The following FAM78A variants were observed in gnomAD, a reference collection of about 807,000 sequenced individuals.
The protein encoded by FAM78A is family with sequence similarity 78 member A.
Under a neutral mutation model 22.6 loss-of-function variants are expected in FAM78A, and 12 were observed. The observed-to-expected ratio is 0.53, with a 90% CI of 0.34 to 0.86. FAM78A has a LOEUF of 0.86. Ranked by LOEUF, FAM78A falls within the 40% of genes least tolerant of loss-of-function variation. The pLI is 0.02. For missense variants in FAM78A, 322 were observed against 396.1 expected (o/e 0.81, Z 1.59); for synonymous variants, 151 against 155.8 (o/e 0.97, Z 0.23).
chr9:131,267,652 A>G (rs997739079), intron 1 of FAM78A, among the ~76,000 whole-genome samples: 1 of 152,248 alleles, frequency 6.6e-6, no homozygotes, highest in African/African-American at 2.4e-5. Context: ...GCATTAAAAT[A>G]AAATTTAGCC....
chr9:131,268,093 A>G lies in FAM78A; in HGVS notation c.324-6743T>C, dbSNP rs187813910. On this transcript the variant is annotated intron_variant, in intron 1 of 1. Coordinates refer to ENST00000372271, the MANE Select transcript of FAM78A (RefSeq NM_033387.4). Reference sequence around the variant, plus strand: ...AAAGACTTGAGGCTCCAGGGCAAGGATCTGCCCATGTCACACAGTCTCCCG... The same window carrying G: ...AAAGACTTGAGGCTCCAGGGCAAGGGTCTGCCCATGTCACACAGTCTCCCG... Among the ~76,000 whole-genome samples, 526 of 151,166 alleles carry G rather than the reference A, an allele frequency of 3.5e-3. 7 individuals are homozygous for G. Among genetic ancestry groups the G allele is most frequent in the African/African-American group, 0.012 (486 of 41,110 alleles).
upstream of FAM78A, among the ~76,000 whole-genome samples, chr9:131,277,205 G>A (rs1835498087): frequency 6.6e-6 from 1 of 151,640 alleles, no homozygotes; most frequent in African/African-American, 2.4e-5. The surrounding 1 kb of genome is among the most constrained non-coding windows in gnomAD (Gnocchi z 8.4). Flanking sequence ...GGACGGGCGG[G>A]GTGGGGGGCG....
rs565452374 is a variant in FAM78A at position 131,261,071 on chromosome 9, G to A, written c.603C>T (p.Asn201=). ...TWLVATNTST[N]DMIILQTLHW... ...GCAGCGTCTGCAGGATGATCATGTC[G>A]TTGGTGGAGGTGTTGGTGGCCACCA... Residue 201 remains asparagine, a synonymous_variant, in exon 2 of 2, where the codon AAC becomes AAT. Coordinates refer to ENST00000372271, the MANE Select transcript of FAM78A (RefSeq NM_033387.4). This position sits in a 1 kb window ranked among gnomAD's most constrained non-coding sequence, Gnocchi z 7.1. 64 of 1,614,176 alleles carry A rather than the reference G, an allele frequency of 4.0e-5. No homozygotes were observed. Among genetic ancestry groups the A allele is most frequent in the Admixed American group, 8.3e-5 (5 of 60,024 alleles).
intron 1 of FAM78A, among the ~76,000 whole-genome samples, chr9:131,267,613 T>C (rs996793149): frequency 6.6e-6 from 1 of 152,198 alleles, no homozygotes; most frequent in African/African-American, 2.4e-5. Flanking sequence ...GATATACAGA[T>C]ATATGTTCTA....
intron 1 of FAM78A, chr9:131,264,385 C>G: frequency 3.6e-6 from 2 of 562,142 alleles, no homozygotes; most frequent in South Asian, 4.5e-5. Context: ...AGGGCCAAAT[C>G]GTCACCAGGC....
Position 131,275,849 on chromosome 9 carries a change from G to T in FAM78A, c.323+8C>A. 1.3e-6 allele frequency: 2 copies of T among 1,571,212 alleles called. No individual in the cohort carries two copies. The highest frequency in any genetic ancestry group is 1.7e-6 in the Non-Finnish European group (2 of 1,156,144). The stretch of plus-strand genomic sequence containing the variant: ...CAGTTCCCAGAGCTGGCTCTCGGCC[G>T]TACTCACATGCCCTGCTCGCCGTAC... On this transcript the variant is annotated splice_region_variant and intron_variant, in intron 1 of 1. Transcript: ENST00000372271. This position sits in a 1 kb window ranked among gnomAD's most constrained non-coding sequence, Gnocchi z 4.6.
Position 131,275,885 on chromosome 9 carries a change from ACTC to A in FAM78A, c.292_294del (p.Glu98del). The A allele has an allele frequency of 6.2e-7, 1 of 1,605,392 alleles. No individual in the cohort carries two copies. Among genetic ancestry groups the A allele is most frequent in the Non-Finnish European group, 8.5e-7 (1 of 1,175,414 alleles). On this transcript the variant is annotated inframe_deletion, in exon 1 of 2. Transcript: ENST00000372271. This position sits in a 1 kb window ranked among gnomAD's most constrained non-coding sequence, Gnocchi z 4.6. ...CCCTGCTCGCCGTACTGGTTGTAGA[ACTC>A]CATGTGGCTGCACGCCTGGATCCAG...
At chr9:131,278,561 C>G (rs747990343), upstream of FAM78A, among the ~76,000 whole-genome samples, 16 of 152,200 alleles carry the variant, frequency 1.1e-4, no homozygotes, top group Non-Finnish European at 2.4e-4. Context: ...CCATCGGCCT[C>G]CCTGTGGAGG....
Position 131,276,349 on chromosome 9 carries a change from G to T in FAM78A, c.-170C>A. The stretch of plus-strand genomic sequence containing the variant: ...TTCTGCTGCATTTCATGAGCCCTGG[G>T]CTCTCTCTTCTTCTCCTCGCAGTGG... On this transcript the variant is annotated 5_prime_UTR_variant, in exon 1 of 2. Coordinates refer to ENST00000372271, the MANE Select transcript of FAM78A (RefSeq NM_033387.4). This position sits in a 1 kb window ranked among gnomAD's most constrained non-coding sequence, Gnocchi z 4.3. 1 of 566,378 alleles carries T rather than the reference G, an allele frequency of 1.8e-6. No individual in the cohort carries two copies. Among genetic ancestry groups the T allele is most frequent in the East Asian group, 2.9e-5 (1 of 34,388 alleles). 35.1% of individuals were successfully genotyped at this position (566,378 alleles called of 1,614,324 possible).
rs890204924 is a variant in FAM78A at position 131,265,754 on chromosome 9, G to A, written c.324-4404C>T. 1.6e-4 allele frequency among the ~76,000 whole-genome samples: 24 copies of A among 152,166 alleles called. No individual in the cohort carries two copies. The highest frequency in any genetic ancestry group is 5.1e-4 in the African/African-American group (21 of 41,444). Reference sequence around the variant, plus strand: ...AACCACGCTCAGGGCCCTTCTGAGTGCAGGCCCCGGACAGCTGTCCAGTCT... The same window carrying A: ...AACCACGCTCAGGGCCCTTCTGAGTACAGGCCCCGGACAGCTGTCCAGTCT... On this transcript the variant is annotated intron_variant, in intron 1 of 1. Coordinates refer to ENST00000372271, the MANE Select transcript of FAM78A (RefSeq NM_033387.4). The surrounding 1 kb of genome is among the most constrained non-coding windows in gnomAD (Gnocchi z 4.3).
At chr9:131,278,869 G>T (rs1564241097), upstream of FAM78A, among the ~76,000 whole-genome samples, 1 of 152,270 alleles carries the variant, frequency 6.6e-6, no homozygotes, top group Non-Finnish European at 1.5e-5. Flanking sequence ...GCCGGCACAG[G>T]GCAGGTGCTT....
chr9:131,273,646 C>T (rs542747613), intron 1 of FAM78A, among the ~76,000 whole-genome samples: 2 of 152,324 alleles, frequency 1.3e-5, no homozygotes, highest in East Asian at 1.9e-4. Context: ...ATTCACTACA[C>T]GGTGTGGCTG....
intron 1 of FAM78A, among the ~76,000 whole-genome samples, chr9:131,266,393 G>C (rs1835345716): frequency 6.6e-6 from 1 of 152,122 alleles, no homozygotes; most frequent in South Asian, 2.1e-4. Flanking sequence ...CTGGGCTCCA[G>C]GGCCCCAGCC....
intron 1 of FAM78A, among the ~76,000 whole-genome samples, chr9:131,271,455 T>A (rs1414955746): frequency 6.6e-6 from 1 of 152,198 alleles, no homozygotes; most frequent in African/African-American, 2.4e-5. Flanking sequence ...TAAGGTCTTA[T>A]CATCACAAGC....
At chr9:131,264,549 C>A in intron 1 of FAM78A, 1 of 714,866 alleles carries the variant, frequency 1.4e-6, no homozygotes, top group South Asian at 1.5e-5. Flanking sequence ...TCTGCCTGCC[C>A]GGTTTTTGTG....
chr9:131,277,751 G>A (rs113881576), upstream of FAM78A, among the ~76,000 whole-genome samples: 7 of 151,290 alleles, frequency 4.6e-5, no homozygotes, highest in East Asian at 2.0e-4. The surrounding 1 kb of genome is among the most constrained non-coding windows in gnomAD (Gnocchi z 8.4). Context: ...GGGGCGGAGG[G>A]CTGAGGCTCG....
At chr9:131,277,727 C>T (rs1554748968), upstream of FAM78A, among the ~76,000 whole-genome samples, 6 of 150,652 alleles carry the variant, frequency 4.0e-5, no homozygotes, top group Non-Finnish European at 7.4e-5. This position sits in a 1 kb window ranked among gnomAD's most constrained non-coding sequence, Gnocchi z 8.4. Context: ...CTTGGGGCTT[C>T]GGGGGGGCGG....
chr9:131,268,246 T>C (rs1835369286), intron 1 of FAM78A, among the ~76,000 whole-genome samples: 1 of 152,126 alleles, frequency 6.6e-6, no homozygotes, highest in Non-Finnish European at 1.5e-5. Flanking sequence ...GTAAAAGCTT[T>C]ACAATTTTAC....
At chr9:131,267,816 C>G (rs1426629060) in intron 1 of FAM78A, among the ~76,000 whole-genome samples, 3 of 151,930 alleles carry the variant, frequency 2.0e-5, no homozygotes, top group Non-Finnish European at 4.4e-5. Context: ...GAGGCTGAGG[C>G]GGGCAGATCA....
Sources: allele counts gnomAD v4.1 joint callset (sites outside exome capture counted in the v4.1 genomes callset), GRCh38; gene constraint gnomAD v4.1.1; non-coding constraint Gnocchi (gnomAD v3.1); transcripts MANE v1.5; gene names NCBI Gene and HGNC (gene_info 2026-07-23, HGNC 2026-07-21).